CNTN5: variants seen among roughly 807,000 people sequenced by gnomAD.
The protein encoded by CNTN5 is contactin-5.
Under a neutral mutation model 129.1 loss-of-function variants are expected in CNTN5, and 77 were observed. The observed-to-expected ratio is 0.60, with a 90% CI of 0.50 to 0.72. The LOEUF is 0.72. Ranked by LOEUF, CNTN5 falls within the 30% of genes least tolerant of loss-of-function variation. CNTN5 has a pLI of 0.00. For missense variants in CNTN5, 1,478 were observed against 1,328.8 expected, an observed-to-expected ratio of 1.11 and a Z score of -1.75; for synonymous variants, 509 against 465.6, an observed-to-expected ratio of 1.09 and a Z score of -1.20.
chr11:99,534,814 G>C (rs1947842405), intron 2 of CNTN5, among the ~76,000 whole-genome samples: 1 of 152,074 alleles, frequency 6.6e-6, no homozygotes, highest in Non-Finnish European at 1.5e-5. Context: ...TCATATATTG[G>C]GATGGTCAGG....
At chr11:99,511,338 T>C (rs1591189073) in intron 2 of CNTN5, among the ~76,000 whole-genome samples, 2 of 152,150 alleles carry the variant, frequency 1.3e-5, no homozygotes, top group Non-Finnish European at 2.9e-5. Context: ...TCAGTTTCCA[T>C]GTAGTTGAGA....
intron 1 of CNTN5, among the ~76,000 whole-genome samples, chr11:99,232,366 C>T (rs899306395): frequency 6.6e-6 from 1 of 152,096 alleles, no homozygotes; most frequent in Admixed American, 6.6e-5. Context: ...GGTCCTATCA[C>T]TTCCTTTATT....
chr11:99,900,101 T>C (rs1378469910), intron 6 of CNTN5, among the ~76,000 whole-genome samples: 1 of 151,162 alleles, frequency 6.6e-6, no homozygotes, highest in Non-Finnish European at 1.5e-5. Flanking sequence ...GTCTTCTCTC[T>C]TTTTTTTTCT....
At chr11:99,785,752 A>C (rs2135410111) in intron 3 of CNTN5, among the ~76,000 whole-genome samples, 1 of 152,242 alleles carries the variant, frequency 6.6e-6, no homozygotes, top group South Asian at 2.1e-4. Flanking sequence ...AATGACAGAA[A>C]CCGCCTGATT....
chr11:99,495,851 G>A (rs1339137614), intron 2 of CNTN5, among the ~76,000 whole-genome samples: 1 of 152,144 alleles, frequency 6.6e-6, no homozygotes, highest in Non-Finnish European at 1.5e-5. Context: ...TTGAAAGATA[G>A]AAGATAAAAC....
rs200891273 is a variant in CNTN5 at position 100,016,432 on chromosome 11, AATG to A, written c.980+14299_980+14301del. On this transcript the variant is annotated intron_variant, in intron 9 of 24. Transcript: ENST00000524871. ...TACTATTTAAATATGCAATTAAATA[AATG>A]ATTATACATGTGCAATGTATAATCA... Among the ~76,000 whole-genome samples, 7 of 152,244 alleles carry A rather than the reference AATG, an allele frequency of 4.6e-5. No individual in the cohort carries two copies. In the East Asian group the frequency reaches 1.3e-3, roughly 29 times the overall value.
intron 3 of CNTN5, among the ~76,000 whole-genome samples, chr11:99,751,440 A>C (rs1275901010): frequency 1.3e-5 from 2 of 152,170 alleles, no homozygotes; most frequent in Non-Finnish European, 2.9e-5. Flanking sequence ...AAGAGAGAGA[A>C]GTATTTAAAT....
intron 1 of CNTN5, among the ~76,000 whole-genome samples, chr11:99,026,571 A>G (rs950162655): frequency 2.0e-5 from 3 of 151,628 alleles, no homozygotes; most frequent in Admixed American, 2.0e-4. Context: ...CAAATTCAGC[A>G]CAAATCTCAT....
chr11:99,654,675 G>C (rs1466122373), intron 3 of CNTN5, among the ~76,000 whole-genome samples: 1 of 152,000 alleles, frequency 6.6e-6, no homozygotes, highest in East Asian at 1.9e-4. Flanking sequence ...CTAAAATGAT[G>C]TCCCTTAAGT....
Position 100,020,104 on chromosome 11 carries a change from ATTGT to A in CNTN5, c.980+17975_980+17978del, listed in dbSNP as rs543648601. Among the ~76,000 whole-genome samples, 658 of 151,548 alleles carry A rather than the reference ATTGT, an allele frequency of 4.3e-3. 1 individual carries two copies. Among genetic ancestry groups the A allele is most frequent in the South Asian group, 6.9e-3 (33 of 4,802 alleles). On this transcript the variant is annotated intron_variant, in intron 9 of 24. Coordinates refer to ENST00000524871, the MANE Select transcript of CNTN5 (RefSeq NM_014361.4). ...ATAGGTTGTCCTTTTCACTCTGTTG[ATTGT>A]TTGTTTTATCAGGCAGAAGCTTTTT... is the stretch of plus-strand genomic sequence containing the variant.
intron 2 of CNTN5, among the ~76,000 whole-genome samples, chr11:99,393,925 T>A (rs1941394261): frequency 6.6e-6 from 1 of 151,716 alleles, no homozygotes; most frequent in Non-Finnish European, 1.5e-5. Flanking sequence ...CACATCAAAC[T>A]GTTTAATTAG....
intron 6 of CNTN5, among the ~76,000 whole-genome samples, chr11:99,910,053 C>A (rs1006329067): frequency 2.0e-5 from 3 of 151,910 alleles, no homozygotes. Flanking sequence ...CATTGTAAAC[C>A]AAGAGTATCA....
At chr11:100,318,413 C>T (rs1354749865) in intron 21 of CNTN5, among the ~76,000 whole-genome samples, 2 of 152,036 alleles carry the variant, frequency 1.3e-5, no homozygotes, top group African/African-American at 2.4e-5. Context: ...TTTGCACAAG[C>T]AGAGCATCCA....
intron 4 of CNTN5, among the ~76,000 whole-genome samples, chr11:99,838,868 ATGCCTTT>A (rs1947388103): frequency 6.6e-6 from 1 of 152,168 alleles, no homozygotes; most frequent in African/African-American, 2.4e-5. Flanking sequence ...GTAATATAGT[ATGCCTTT>A]TGCTTTTAGC....
intron 2 of CNTN5, among the ~76,000 whole-genome samples, chr11:99,495,203 CT>C (rs1435241054): frequency 6.6e-6 from 1 of 152,000 alleles, no homozygotes; most frequent in African/African-American, 2.4e-5. Flanking sequence ...CCCGTCTCTA[CT>C]AAAAATACAA....
chr11:100,003,947 T>C (rs1024815391), intron 9 of CNTN5: 1 of 152,210 alleles, frequency 6.6e-6, no homozygotes, highest in Non-Finnish European at 1.5e-5. Context: ...AAGACCAATC[T>C]GCCACCCTTA....
intron 3 of CNTN5, among the ~76,000 whole-genome samples, chr11:99,784,590 G>C (rs1945442908): frequency 6.6e-6 from 1 of 152,034 alleles, no homozygotes; most frequent in Admixed American, 6.6e-5. Flanking sequence ...TATATACCCA[G>C]TCATAGGATT....
chr11:99,357,388 AATAACAATATTATATACTTGAAATTAC>A (rs1445609988), intron 2 of CNTN5, among the ~76,000 whole-genome samples: 4 of 151,816 alleles, frequency 2.6e-5, no homozygotes, highest in South Asian at 2.1e-4. Context: ...ACTGAAATTA[AATAACAATATTATATACTTGAAATTAC>A]ATAACAATAT....
intron 3 of CNTN5, among the ~76,000 whole-genome samples, chr11:99,658,414 G>C (rs1952462040): frequency 1.3e-5 from 2 of 151,934 alleles, no homozygotes; most frequent in African/African-American, 2.4e-5. Context: ...TATAAAATTA[G>C]AACTAAAATT....
Sources: gnomAD v4.1 joint callset for allele counts (sites outside exome capture counted in the v4.1 genomes callset) on GRCh38, gnomAD v4.1.1 for gene constraint, MANE v1.5 for transcripts, NCBI Gene and HGNC (gene_info 2026-07-23, HGNC 2026-07-21) for gene names.